The following OR5A1 variants were observed in gnomAD, a reference collection of about 807,000 sequenced individuals.
OR5A1 encodes olfactory receptor 5A1.
A neutral mutation model predicts 6.7 loss-of-function variants in OR5A1; 6 were observed. The ratio of observed to expected loss-of-function variants is 0.89; its 90% CI spans 0.49 to 1.76. OR5A1 has a LOEUF of 1.76. Ranked by LOEUF, OR5A1 falls within the 40% of genes most tolerant of loss-of-function variation. The pLI is 0.01. For missense variants in OR5A1, 378 were observed against 381.7 expected (o/e 0.99, Z 0.08); for synonymous variants, 170 against 155.0 (o/e 1.10, Z -0.72).
At chr11:59,438,535 G>A (rs899335670) in intron 1 of OR5A1, among the ~76,000 whole-genome samples, 2 of 152,102 alleles carry the variant, frequency 1.3e-5, no homozygotes, top group Non-Finnish European at 2.9e-5. Flanking sequence ...TAATCTGAGT[G>A]AGGCATTTAA....
intron 1 of OR5A1, among the ~76,000 whole-genome samples, chr11:59,440,642 C>T (rs1035386425): frequency 2.0e-5 from 3 of 152,216 alleles, no homozygotes; most frequent in Non-Finnish European, 2.9e-5. Flanking sequence ...GTGAGGCCTC[C>T]CGCAGAGCTC....
chr11:59,436,932 T>C (rs1858422843), intron 1 of OR5A1, 97 bp downstream of exon 1: 1 of 152,212 alleles, frequency 6.6e-6, no homozygotes, highest in Non-Finnish European at 1.5e-5. Flanking sequence ...AATAAGTTCT[T>C]TGACTTTTAG....
Position 59,451,188 on chromosome 11 carries a change from G to A in OR5A1, c.*7072G>A, listed in dbSNP as rs973903312. ...CTTTTCAACATTGGTTAATCTTCTA[G>A]ATGAGAAATGATACCTCATTGTAAT... is the stretch of plus-strand genomic sequence containing the variant. On this transcript the variant is annotated 3_prime_UTR_variant, in exon 2 of 2. Coordinates refer to ENST00000641045, the MANE Select transcript of OR5A1 (RefSeq NM_001004728.2). 2.6e-5 allele frequency: 4 copies of A among 152,156 alleles called. No homozygotes were observed. Among genetic ancestry groups the A allele is most frequent in the Non-Finnish European group, 5.9e-5 (4 of 68,038 alleles). 9.4% of individuals were successfully genotyped at this position (152,156 alleles called of 1,614,324 possible).
chr11:59,447,766 C>G lies in OR5A1; in HGVS notation c.*3650C>G, dbSNP rs539319168. 10 of 152,302 alleles carry G rather than the reference C, an allele frequency of 6.6e-5. No individual in the cohort carries two copies. The East Asian group carries it at 1.9e-3, about 29-fold the overall frequency. 9.4% of individuals were successfully genotyped at this position (152,302 alleles called of 1,614,324 possible). On this transcript the variant is annotated 3_prime_UTR_variant, in exon 2 of 2. Coordinates refer to ENST00000641045, the MANE Select transcript of OR5A1 (RefSeq NM_001004728.2). ...CTTTGATCTGGTCCTGTGGCTGCCC[C>G]ACAGTGTACACCAGAATTAGACAGG...
At position 59,443,532 on chromosome 11, in the gene OR5A1, G is replaced by A. The variant is rs1271508393; in HGVS notation, c.364G>A (p.Ala122Thr). The change falls in exon 2 of 2, where the codon GCA (alanine) becomes ACA (threonine). Residue 122 changes from alanine (A) to threonine (T), a missense_variant. Transcript: ENST00000641045. ...LSECLLLTAM[A>T]YDRYAAISSP... ...TGAGTGCCTCCTCCTGACTGCTATG[G>A]CATACGACCGATATGCAGCCATCTC... The A allele has an allele frequency of 1.9e-6, 3 of 1,613,914 alleles. No homozygotes were observed. The highest frequency in any genetic ancestry group is 2.2e-5 in the East Asian group (1 of 44,868).
Position 59,443,156 on chromosome 11 carries a change from G to A in OR5A1, c.-13G>A, listed in dbSNP as rs1214739984. 1 of 1,605,150 alleles carries A rather than the reference G, an allele frequency of 6.2e-7. No individual in the cohort carries two copies. The highest frequency in any genetic ancestry group is 8.5e-7 in the Non-Finnish European group (1 of 1,173,220). On this transcript the variant is annotated 5_prime_UTR_variant, in exon 2 of 2. Transcript: ENST00000641045. ...CCCAGGTCTGCATCTTGTCCTTGTG[G>A]TCCACGGGAAGCATGTCCATAACCA... is the stretch of plus-strand genomic sequence containing the variant.
rs1007086850 is a variant in OR5A1, at chr11:59,445,099, T to C, written c.*983T>C. The C allele has an allele frequency of 2.6e-5, 4 of 152,140 alleles. No homozygotes were observed. The highest frequency in any genetic ancestry group is 6.5e-5 in the Admixed American group (1 of 15,272). 9.4% of individuals were successfully genotyped at this position (152,140 alleles called of 1,614,324 possible). On this transcript the variant is annotated 3_prime_UTR_variant, in exon 2 of 2. Coordinates refer to ENST00000641045, the MANE Select transcript of OR5A1 (RefSeq NM_001004728.2). ...ATGTCATGGTGATTTGCTGCACCTA[T>C]CCACCCATCACCTAGGTATTAAGCC...
At chr11:59,441,962 A>AGATAGAT (rs1475360295) in intron 1 of OR5A1, among the ~76,000 whole-genome samples, 96 of 152,112 alleles carry the variant, frequency 6.3e-4, no homozygotes, top group Non-Finnish European at 1.0e-3. Flanking sequence ...ATAGATAGAT[A>AGATAGAT]GATAGATAGA....
rs143442864 is a variant in OR5A1 at position 59,445,423 on chromosome 11, G to C, written c.*1307G>C. On this transcript the variant is annotated 3_prime_UTR_variant, in exon 2 of 2. Coordinates refer to ENST00000641045, the MANE Select transcript of OR5A1 (RefSeq NM_001004728.2). The stretch of plus-strand genomic sequence containing the variant: ...CCAGTCTCTCATTGATGGGAATTTG[G>C]GTTGATTCCATGTCTTTGCTATTGT... The C allele has an allele frequency of 0.035, 5,373 of 152,132 alleles. 129 individuals are homozygous for C. Among genetic ancestry groups the C allele is most frequent in the South Asian group, 0.076 (366 of 4,808 alleles). 9.4% of individuals were successfully genotyped at this position (152,132 alleles called of 1,614,324 possible).
chr11:59,450,181 T>C lies in OR5A1; in HGVS notation c.*6065T>C, dbSNP rs1054191480. The stretch of plus-strand genomic sequence containing the variant: ...AACAAGCTAATTCTATGTTCAATCA[T>C]GCAACCCTGAGGTTACAAAATAGAA... On this transcript the variant is annotated 3_prime_UTR_variant, in exon 2 of 2. Transcript: ENST00000641045. 2.0e-5 allele frequency: 3 copies of C among 152,212 alleles called. No individual in the cohort carries two copies. Among genetic ancestry groups the C allele is most frequent in the Admixed American group, 2.0e-4 (3 of 15,282 alleles). The allele number at this position is 152,212 out of a possible 1,614,324, so 9.4% of individuals were successfully genotyped here.
chr11:59,443,589 C>G lies in OR5A1; in HGVS notation c.421C>G (p.Gln141Glu). The G allele has an allele frequency of 6.2e-7, 1 of 1,613,968 alleles. No individual in the cohort carries two copies. Among genetic ancestry groups the G allele is most frequent in the Non-Finnish European group, 8.5e-7 (1 of 1,179,996 alleles). ...CCTTCTCTACCCCACTATCATGACC[C>G]AGGGCCTCTGTACACGCATGGTGGT... ...SPLLYPTIMTQGLCTRMVVGA... is the reference protein window; with the variant it reads ...SPLLYPTIMTEGLCTRMVVGA... The change falls in exon 2 of 2, where the codon CAG becomes GAG. Residue 141 changes from glutamine (Q) to glutamate (E), a missense_variant. By Grantham distance (29) the Gln-to-Glu change is conservative. Transcript: ENST00000641045.
chr11:59,438,520 C>T (rs573849277), intron 1 of OR5A1, among the ~76,000 whole-genome samples: 1 of 152,166 alleles, frequency 6.6e-6, no homozygotes, highest in East Asian at 1.9e-4. Flanking sequence ...ATTTGCTCAC[C>T]GTGATAATCT....
chr11:59,438,499 TAAG>T (rs1590611554), intron 1 of OR5A1, among the ~76,000 whole-genome samples: 1 of 152,186 alleles, frequency 6.6e-6, no homozygotes, highest in African/African-American at 2.4e-5. Context: ...AAGGTTACTC[TAAG>T]GAGGGAAATT....
chr11:59,449,661 A>G lies in OR5A1; in HGVS notation c.*5545A>G, dbSNP rs972226498. On this transcript the variant is annotated 3_prime_UTR_variant, in exon 2 of 2. Transcript: ENST00000641045. ...AGGATTATGATAATATTAATACCCTACATTTGTATAATGCTTTGAAGTTTG... is the reference window on the plus strand; with the variant it reads ...AGGATTATGATAATATTAATACCCTGCATTTGTATAATGCTTTGAAGTTTG... 3 of 152,180 alleles carry G rather than the reference A, an allele frequency of 2.0e-5. No homozygotes were observed. Among genetic ancestry groups the G allele is most frequent in the Admixed American group, 6.6e-5 (1 of 15,262 alleles). 9.4% of individuals were successfully genotyped at this position (152,180 alleles called of 1,614,324 possible). A position where few individuals can be genotyped will look rare whatever the true frequency, so the allele number is the denominator to read the frequency against.
rs1055823311 is a variant in OR5A1, at chr11:59,448,593, C to G, written c.*4477C>G. On this transcript the variant is annotated 3_prime_UTR_variant, in exon 2 of 2. Transcript: ENST00000641045. ...TTCCTGTTATTATCAAATGCCACTT[C>G]CCCCAAGGAAGCATTCCCAGACTCC... 1 of 152,190 alleles carries G rather than the reference C, an allele frequency of 6.6e-6. No individual in the cohort carries two copies. Among genetic ancestry groups the G allele is most frequent in the Non-Finnish European group, 1.5e-5 (1 of 68,024 alleles). 9.4% of individuals were successfully genotyped at this position (152,190 alleles called of 1,614,324 possible).
rs2134538935 is a variant in OR5A1, at chr11:59,444,688, G to T, written c.*572G>T. ...ACTGGCATATGGCAGAATCTGAAAA[G>T]ATACACTATGTGTAGTTAAGGTAAA... On this transcript the variant is annotated 3_prime_UTR_variant, in exon 2 of 2. Coordinates refer to ENST00000641045, the MANE Select transcript of OR5A1 (RefSeq NM_001004728.2). The T allele has an allele frequency of 6.6e-6, 1 of 152,652 alleles. No homozygotes were observed. Among genetic ancestry groups the T allele is most frequent in the Non-Finnish European group, 1.5e-5 (1 of 68,120 alleles). The allele number at this position is 152,652 out of a possible 1,614,324, so 9.5% of individuals were successfully genotyped here. A position where few individuals can be genotyped will look rare whatever the true frequency, so the allele number is the denominator to read the frequency against.
chr11:59,438,926 C>A (rs1858451693), intron 1 of OR5A1, among the ~76,000 whole-genome samples: 1 of 152,194 alleles, frequency 6.6e-6, no homozygotes, highest in South Asian at 2.1e-4. Context: ...TTTCATCAAT[C>A]ATTTGTACAT....
chr11:59,441,624 A>G (rs936575350), intron 1 of OR5A1, among the ~76,000 whole-genome samples: 1 of 152,200 alleles, frequency 6.6e-6, no homozygotes, highest in Non-Finnish European at 1.5e-5. Context: ...AGACCTGATG[A>G]CTACAGTTCT....
rs988315523 is a variant in OR5A1 at position 59,446,488 on chromosome 11, C to T, written c.*2372C>T. The T allele has an allele frequency of 1.4e-4, 21 of 152,114 alleles. No homozygotes were observed. The highest frequency in any genetic ancestry group is 5.1e-4 in the African/African-American group (21 of 41,406). The allele number at this position is 152,114 out of a possible 1,614,324, so 9.4% of individuals were successfully genotyped here. On this transcript the variant is annotated 3_prime_UTR_variant, in exon 2 of 2. Transcript: ENST00000641045. ...TACTAGCTCCTTGATTTTAACCATG[C>T]CATTCCTTTACCAGTTCAGGACCTG...
Sources: allele counts gnomAD v4.1 joint callset (sites outside exome capture counted in the v4.1 genomes callset), GRCh38; gene constraint gnomAD v4.1.1; transcripts MANE v1.5; gene names NCBI Gene and HGNC (gene_info 2026-07-23, HGNC 2026-07-21).